Variants in ALPK3 observed in about 807,000 individuals in gnomAD.
ALPK3 encodes alpha kinase 3, also known as alpha-protein kinase 3.
ALPK3 carries 102 observed loss-of-function variants against 140.0 expected under a neutral mutation model. That is an observed-to-expected ratio of 0.73 (90% CI 0.62 to 0.86). The LOEUF is 0.86. ALPK3 is among the 40% of genes least tolerant of loss of function. The probability of loss-of-function intolerance (pLI) is 0.00; values close to 1 mark genes in which losing one functional copy is unlikely to be tolerated. For synonymous variants in ALPK3, 938 were observed against 898.5 expected, an observed-to-expected ratio of 1.04 and a Z score of -0.79; for missense variants, 2,254 against 2,208.2, an observed-to-expected ratio of 1.02 and a Z score of -0.42.
In ALPK3 at chr15:84,871,690, G is replaced by C. The variant is rs911665211; in HGVS notation, c.*3234G>C. ...TGCAGGCCTGACCCAGCCTCTCGGG[G>C]TGTTGTTTCTGGTGCCATAGTTGAA... On this transcript the variant is annotated 3_prime_UTR_variant, in exon 14 of 14. Coordinates refer to ENST00000258888, the MANE Select transcript of ALPK3 (RefSeq NM_020778.5). The C allele has an allele frequency of 6.6e-6, 1 of 152,232 alleles. No individual in the cohort carries two copies. The highest frequency in any genetic ancestry group is 2.4e-5 in the African/African-American group (1 of 41,456). The allele number at this position is 152,232 out of a possible 1,614,324, so 9.4% of individuals were successfully genotyped here. A position where few individuals can be genotyped will look rare whatever the true frequency, so the allele number is the denominator to read the frequency against.
chr15:84,867,920 T>C (rs1964019207), intron 13 of ALPK3, among the ~76,000 whole-genome samples, 191 bp from the exon 14 acceptor site: 1 of 152,060 alleles, frequency 6.6e-6, no homozygotes, highest in African/African-American at 2.4e-5. Flanking sequence ...TCTCTATTTT[T>C]TTAAAAAGAA....
intron 5 of ALPK3, among the ~76,000 whole-genome samples, chr15:84,847,927 T>TG (rs1183477672): frequency 6.6e-6 from 1 of 151,634 alleles, no homozygotes; most frequent in African/African-American, 2.4e-5. Flanking sequence ...CCAGGGGTGG[T>TG]GGGGGGCACC....
intron 3 of ALPK3, among the ~76,000 whole-genome samples, chr15:84,829,713 T>A (rs909519478): frequency 2.0e-5 from 3 of 152,128 alleles, no homozygotes; most frequent in Non-Finnish European, 4.4e-5. Flanking sequence ...GCATCTTAAA[T>A]CTCCACCCAG....
intron 1 of ALPK3, among the ~76,000 whole-genome samples, 183 bp from the exon 2 acceptor site, chr15:84,823,147 C>T (rs1476339539): frequency 6.6e-6 from 1 of 152,208 alleles, no homozygotes; most frequent in Admixed American, 6.5e-5. Flanking sequence ...GTTTCAGATA[C>T]ATTGGTGTCC....
intron 7 of ALPK3, among the ~76,000 whole-genome samples, 165 bp from the exon 8 acceptor site, chr15:84,859,611 A>G (rs1963916994): frequency 6.6e-6 from 1 of 152,200 alleles, no homozygotes; most frequent in Admixed American, 6.5e-5. Context: ...TGCAAACCAG[A>G]CCTGTGGGCT....
chr15:84,839,733 G>A lies in ALPK3; in HGVS notation c.454G>A (p.Ala152Thr). The change falls in exon 5 of 14, where the codon GCC becomes ACC. Residue 152 changes from alanine (A) to threonine (T), a missense_variant. Coordinates refer to ENST00000258888, the MANE Select transcript of ALPK3 (RefSeq NM_020778.5). Reference sequence around the variant, plus strand: ...AGAAGAAGATGCCGCCATCTACCAGGCCTCTGCCCAGAACAGCAAGGGCAT... The same window carrying A: ...AGAAGAAGATGCCGCCATCTACCAGACCTCTGCCCAGAACAGCAAGGGCAT... ...CREEDAAIYQ[A>T]SAQNSKGIVS... The A allele has an allele frequency of 6.2e-7, 1 of 1,610,748 alleles. No individual in the cohort carries two copies.
Position 84,857,692 on chromosome 15 carries a change from G to A in ALPK3, c.2954G>A (p.Gly985Glu), listed in dbSNP as rs376664318. ...GGAGCAGGGGGAGAGTCCCAGGTGG[G>A]GGCAGCCACCGGAGGTCTGGTGCCC... is the stretch of plus-strand genomic sequence containing the variant. ...TSGAGGESQV[G>E]AATGGLVPSA... Residue 985 changes from glycine to glutamate, a missense_variant, in exon 6 of 14, where the codon GGG (glycine) becomes GAG (glutamate). Coordinates refer to ENST00000258888, the MANE Select transcript of ALPK3 (RefSeq NM_020778.5). The A allele has an allele frequency of 1.4e-5, 22 of 1,610,480 alleles. No homozygotes were observed. Among genetic ancestry groups the A allele is most frequent in the Non-Finnish European group, 1.9e-5 (22 of 1,177,594 alleles).
intron 1 of ALPK3, among the ~76,000 whole-genome samples, chr15:84,820,182 C>G (rs919000679): frequency 6.6e-6 from 1 of 152,108 alleles, no homozygotes; most frequent in Non-Finnish European, 1.5e-5. Context: ...TTATGGGACA[C>G]TCAGAAGTTC....
At chr15:84,849,444 G>T (rs1293357956) in intron 5 of ALPK3, among the ~76,000 whole-genome samples, 15 of 152,108 alleles carry the variant, frequency 9.9e-5, no homozygotes, top group Admixed American at 9.8e-4. Context: ...AATACTCTGT[G>T]TAACAACAGA....
chr15:84,822,376 T>C (rs1334779206), intron 1 of ALPK3, among the ~76,000 whole-genome samples: 1 of 152,032 alleles, frequency 6.6e-6, no homozygotes, highest in South Asian at 2.1e-4. Context: ...TTTGGTGTTG[T>C]GGTTATAAAG....
intron 5 of ALPK3, among the ~76,000 whole-genome samples, chr15:84,851,710 G>T (rs1963804238): frequency 6.6e-6 from 1 of 152,006 alleles, no homozygotes; most frequent in African/African-American, 2.4e-5. Context: ...TTGGATGTTT[G>T]TTTTATTTAT....
chr15:84,848,069 A>G (rs995170828), intron 5 of ALPK3, among the ~76,000 whole-genome samples: 8 of 151,982 alleles, frequency 5.3e-5, no homozygotes, highest in South Asian at 2.1e-4. Flanking sequence ...CTCAAAAAAA[A>G]AAAAATAAAA....
rs1251273204 is a variant in ALPK3, at chr15:84,858,050, G to A, written c.3312G>A (p.Gly1104=). The change falls in exon 6 of 14, where the codon GGG becomes GGA. Residue 1104 remains glycine, a synonymous_variant. Transcript: ENST00000258888. ...EVSPEGPGLL[G]ASQESSMAGR... is the part of the protein sequence containing the mutation. ...CCCCTGAGGGGCCTGGCCTCCTGGG[G>A]GCCTCTCAGGAGAGCAGCATGGCTG... 1 of 1,568,924 alleles carries A rather than the reference G, an allele frequency of 6.4e-7. No homozygotes were observed. Among genetic ancestry groups the A allele is most frequent in the South Asian group, 1.2e-5 (1 of 83,066 alleles).
At chr15:84,864,869 A>G (rs1004092036) in intron 12 of ALPK3, among the ~76,000 whole-genome samples, 16 of 152,346 alleles carry the variant, frequency 1.1e-4, no homozygotes, top group African/African-American at 3.6e-4. Context: ...AGCCCAGTCT[A>G]TCACTGCAGC....
At chr15:84,859,954 G>T in intron 8 of ALPK3, 51 bp downstream of exon 8, 1 of 1,613,864 alleles carries the variant, frequency 6.2e-7, no homozygotes, top group Non-Finnish European at 8.5e-7. Flanking sequence ...CTCCTGGTGG[G>T]TGGGCAGCAG....
At chr15:84,817,744 G>C (rs1465074114) in intron 1 of ALPK3, 149 bp downstream of exon 1, 15 of 1,065,716 alleles carry the variant, frequency 1.4e-5, no homozygotes, top group African/African-American at 1.3e-4. Flanking sequence ...GGACATGGCC[G>C]GGCTGGAATG....
chr15:84,861,062 GTAATAATTATT>G (rs1371839495), intron 9 of ALPK3, among the ~76,000 whole-genome samples: 4 of 152,194 alleles, frequency 2.6e-5, no homozygotes, highest in Non-Finnish European at 5.9e-5. Flanking sequence ...TCAAAACTAA[GTAATAATTATT>G]TAATATCATC....
chr15:84,854,988 A>AAGC (rs1963844327), intron 5 of ALPK3, among the ~76,000 whole-genome samples: 1 of 152,190 alleles, frequency 6.6e-6, no homozygotes, highest in Non-Finnish European at 1.5e-5. Flanking sequence ...TGATTTCCTC[A>AAGC]AGCAGGGCTT....
At chr15:84,867,681 G>A (rs938899756) in intron 13 of ALPK3, among the ~76,000 whole-genome samples, 2 of 152,134 alleles carry the variant, frequency 1.3e-5, no homozygotes, top group Non-Finnish European at 1.5e-5. Flanking sequence ...TGCGGACCTC[G>A]AGTCTGCTCC....
Sources: allele counts gnomAD v4.1 joint callset (sites outside exome capture counted in the v4.1 genomes callset), GRCh38; gene constraint gnomAD v4.1.1; transcripts MANE v1.5; gene names NCBI Gene and HGNC (gene_info 2026-07-23, HGNC 2026-07-21).